The following BEND7 variants were observed in gnomAD, a reference collection of about 807,000 sequenced individuals.
The protein encoded by BEND7 is BEN domain-containing protein 7.
BEND7 carries 28 observed loss-of-function variants against 50.9 expected under a neutral mutation model. The observed-to-expected ratio is 0.55, with a 90% CI of 0.41 to 0.75. The LOEUF is 0.75. Ranked by LOEUF, BEND7 falls within the 30% of genes least tolerant of loss-of-function variation. BEND7 has a pLI of 0.00. For missense variants in BEND7, 477 were observed against 491.3 expected, an observed-to-expected ratio of 0.97 and a Z score of 0.28; for synonymous variants, 170 against 183.9, an observed-to-expected ratio of 0.92 and a Z score of 0.61.
intron 2 of BEND7, among the ~76,000 whole-genome samples, chr10:13,512,357 A>C (rs1035075706): frequency 6.6e-6 from 1 of 152,220 alleles, no homozygotes; most frequent in Non-Finnish European, 1.5e-5. Context: ...AAGCGAAATA[A>C]AAGTCTGTGT....
intron 6 of BEND7, among the ~76,000 whole-genome samples, chr10:13,463,307 AAAC>A (rs1275862893): frequency 2.0e-5 from 3 of 152,250 alleles, no homozygotes; most frequent in Non-Finnish European, 4.4e-5. Flanking sequence ...GGGAAGAAGA[AAAC>A]AACACAGAGG....
At position 13,498,071 on chromosome 10, in the gene BEND7, CTT is replaced by C. The variant is rs67255529; in HGVS notation, c.449-1185_449-1184del. Among the ~76,000 whole-genome samples, 703 of 109,824 alleles carry C rather than the reference CTT, an allele frequency of 6.4e-3. 2 individuals carry two copies. Among genetic ancestry groups the C allele is most frequent in the African/African-American group, 0.02 (583 of 29,260 alleles). 72.0% of individuals were successfully genotyped at this position (109,824 alleles called of 152,430 possible). ...AGTTATATGTAATATATTTCTTTTT[CTT>C]TTTTTTTTTTTTTTTTTTTTGAGAC... On this transcript the variant is annotated intron_variant, in intron 3 of 8. Coordinates refer to ENST00000466271, the MANE Select transcript of BEND7 (RefSeq NM_001369863.1).
chr10:13,515,780 G>C (rs4381275), intron 2 of BEND7, among the ~76,000 whole-genome samples: 3 of 152,164 alleles, frequency 2.0e-5, no homozygotes, highest in African/African-American at 7.2e-5. Context: ...CAATGGAATA[G>C]TTTTTTTCCT....
chr10:13,515,971 C>G (rs898639842), intron 2 of BEND7, among the ~76,000 whole-genome samples: 1 of 152,174 alleles, frequency 6.6e-6, no homozygotes, highest in South Asian at 2.1e-4. Flanking sequence ...AGACCTCATG[C>G]GCCGCATGGG....
intron 5 of BEND7, among the ~76,000 whole-genome samples, chr10:13,487,979 G>T (rs1422348829): frequency 6.6e-6 from 1 of 150,616 alleles, no homozygotes; most frequent in Non-Finnish European, 1.5e-5. Context: ...CATAGTCCCA[G>T]CTACTCAGGA....
intron 6 of BEND7, among the ~76,000 whole-genome samples, chr10:13,473,839 G>C (rs1564303344): frequency 1.3e-5 from 2 of 150,670 alleles, no homozygotes; most frequent in South Asian, 4.2e-4. Flanking sequence ...TGTTAGACTC[G>C]GGGTTGATAC....
chr10:13,441,792 T>C (rs1835366634), intron 8 of BEND7, 42 bp from the exon 9 acceptor site: 2 of 1,591,296 alleles, frequency 1.3e-6, no homozygotes, highest in South Asian at 2.2e-5. Flanking sequence ...CGGGATTACT[T>C]ACTGGCCAGA....
intron 2 of BEND7, among the ~76,000 whole-genome samples, chr10:13,518,684 C>T (rs1303567464): frequency 6.6e-6 from 1 of 152,170 alleles, no homozygotes; most frequent in Non-Finnish European, 1.5e-5. Flanking sequence ...GAAGTTGTAT[C>T]TCACAAATCA....
chr10:13,492,912 T>A, intron 4 of BEND7, 36 bp from the exon 5 acceptor site: 2 of 1,576,418 alleles, frequency 1.3e-6, no homozygotes, highest in Non-Finnish European at 8.5e-7. Flanking sequence ...TACAGGCACG[T>A]GTGTCTGACT....
rs75928650 is a variant in BEND7, at chr10:13,515,581, G to A, written c.145+10557C>T. 3.9e-5 allele frequency among the ~76,000 whole-genome samples: 6 copies of A among 152,316 alleles called. No individual in the cohort carries two copies. The East Asian group carries it at 5.8e-4, about 15-fold the overall frequency. On this transcript the variant is annotated intron_variant, in intron 2 of 8. Transcript: ENST00000466271. ...GATTTGAAAACATATTATGAAATAT[G>A]CGTGCAATAAGCTATCCTTTGTAGA...
chr10:13,457,673 G>A (rs745864306), intron 6 of BEND7, among the ~76,000 whole-genome samples: 4 of 152,182 alleles, frequency 2.6e-5, no homozygotes, highest in Admixed American at 2.0e-4. Flanking sequence ...CCAAAAGACT[G>A]TCATTGCATT....
chr10:13,477,359 C>CA (rs2075529132), intron 6 of BEND7, among the ~76,000 whole-genome samples: 1 of 152,112 alleles, frequency 6.6e-6, no homozygotes, highest in Admixed American at 6.5e-5. Flanking sequence ...AAAATCGTTT[C>CA]CAAGGGGTGG....
chr10:13,465,040 G>A (rs2074091927), intron 6 of BEND7, among the ~76,000 whole-genome samples: 2 of 152,202 alleles, frequency 1.3e-5, no homozygotes, highest in African/African-American at 4.8e-5. Flanking sequence ...AATGTCCAGT[G>A]TTCATCAAGA....
chr10:13,442,724 T>C (rs761334670), intron 8 of BEND7: 4 of 152,224 alleles, frequency 2.6e-5, no homozygotes, highest in Non-Finnish European at 4.4e-5. Context: ...ACCTTTTAAT[T>C]AGTTATTTTG....
rs879481911 is a variant in BEND7, at chr10:13,491,568, C to CA, written c.837+1042dup. On this transcript the variant is annotated intron_variant, in intron 5 of 8. Coordinates refer to ENST00000466271, the MANE Select transcript of BEND7 (RefSeq NM_001369863.1). ...AATTGTAGCAAGTGTTTATAGATTT[C>CA]AAAAAAAAAAAAGAACCTTTAACAC... Among the ~76,000 whole-genome samples, 330 of 130,410 alleles carry CA rather than the reference C, an allele frequency of 2.5e-3. 1 individual carries two copies. Among genetic ancestry groups the CA allele is most frequent in the African/African-American group, 4.1e-3 (146 of 35,446 alleles). 85.6% of individuals were successfully genotyped at this position (130,410 alleles called of 152,430 possible).
At chr10:13,499,703 A>C (rs367789651) in intron 3 of BEND7, 75 bp downstream of exon 3, 1 of 1,421,846 alleles carries the variant, frequency 7.0e-7, no homozygotes, top group African/African-American at 1.5e-5. Context: ...AATTGAACTC[A>C]ACACACTGAA....
At chr10:13,470,453 G>T (rs949285998) in intron 6 of BEND7, among the ~76,000 whole-genome samples, 7 of 152,060 alleles carry the variant, frequency 4.6e-5, no homozygotes, top group Admixed American at 3.9e-4. Context: ...TAAAATGCAG[G>T]TTTTGTAAGA....
chr10:13,520,488 GC>G (rs1240245965), intron 2 of BEND7, among the ~76,000 whole-genome samples: 3 of 152,074 alleles, frequency 2.0e-5, no homozygotes, highest in Admixed American at 2.0e-4. Context: ...GAAGGGCTTT[GC>G]CTTGATTCTA....
chr10:13,509,869 G>T (rs1589020100), intron 2 of BEND7, among the ~76,000 whole-genome samples: 1 of 152,208 alleles, frequency 6.6e-6, no homozygotes, highest in African/African-American at 2.4e-5. Flanking sequence ...GAAGGTTTTT[G>T]TAAGAGCGAT....
Sources: allele counts gnomAD v4.1 joint callset (sites outside exome capture counted in the v4.1 genomes callset), GRCh38; gene constraint gnomAD v4.1.1; transcripts MANE v1.5; gene names NCBI Gene and HGNC (gene_info 2026-07-23, HGNC 2026-07-21).